The following AKAP19 variants were observed in gnomAD, a reference collection of about 807,000 sequenced individuals.
The protein encoded by AKAP19 is small A-kinase anchoring protein.
the AKAP19 span, among the ~76,000 whole-genome samples, chr2:189,954,800 T>A: frequency 1.3e-5 from 2 of 152,220 alleles, no homozygotes; most frequent in African/African-American, 2.4e-5. Context: ...AAATGATCTC[T>A]GCATCCTTGC....
At chr2:190,079,053 GCT>G in the AKAP19 span, among the ~76,000 whole-genome samples, 1 of 151,960 alleles carries the variant, frequency 6.6e-6, no homozygotes. Context: ...ATTTCATCCA[GCT>G]CTCTGACTTT....
chr2:189,954,967 C>G, the AKAP19 span, among the ~76,000 whole-genome samples: 6 of 152,208 alleles, frequency 3.9e-5, no homozygotes, highest in African/African-American at 1.4e-4. Context: ...TATTTATGGA[C>G]TTAGGGGTAC....
the AKAP19 span, among the ~76,000 whole-genome samples, chr2:190,064,797 C>G: frequency 6.6e-6 from 1 of 152,254 alleles, no homozygotes; most frequent in South Asian, 2.1e-4. Flanking sequence ...GTAAAATTTT[C>G]TAAGGCAGCC....
At chr2:190,068,238 A>G in the AKAP19 span, among the ~76,000 whole-genome samples, 4 of 152,128 alleles carry the variant, frequency 2.6e-5, no homozygotes, top group Non-Finnish European at 5.9e-5. Context: ...CAAATAGACT[A>G]TGAGCTATTT....
At chr2:190,183,449 AC>A in the AKAP19 span, among the ~76,000 whole-genome samples, 37 of 152,268 alleles carry the variant, frequency 2.4e-4, 1 homozygote, top group East Asian at 6.0e-3. Context: ...AAAGTAAATA[AC>A]ATTAGTTTAA....
chr2:190,032,209 A>G, the AKAP19 span, among the ~76,000 whole-genome samples: 2 of 152,214 alleles, frequency 1.3e-5, no homozygotes, highest in Non-Finnish European at 2.9e-5. Context: ...GTAAATTTAC[A>G]GGAATTTCAG....
chr2:189,979,409 A>T, the AKAP19 span, among the ~76,000 whole-genome samples: 3 of 152,200 alleles, frequency 2.0e-5, no homozygotes, highest in Non-Finnish European at 2.9e-5. Context: ...CCTACCTCTC[A>T]TCATATACAA....
chr2:190,144,203 A>G, the AKAP19 span, among the ~76,000 whole-genome samples: 2 of 150,774 alleles, frequency 1.3e-5, no homozygotes, highest in Non-Finnish European at 3.0e-5. Context: ...AATATTAATA[A>G]AATTATAACT....
At chr2:189,894,688 A>G in the AKAP19 span, among the ~76,000 whole-genome samples, 1 of 151,034 alleles carries the variant, frequency 6.6e-6, no homozygotes, top group African/African-American at 2.4e-5. Context: ...ATTATTATAT[A>G]GTATTAAATG....
chr2:190,129,468 GTTCT>G, the AKAP19 span, among the ~76,000 whole-genome samples: 1 of 152,098 alleles, frequency 6.6e-6, no homozygotes, highest in Non-Finnish European at 1.5e-5. Context: ...ATTATGTTAT[GTTCT>G]TTAATAGAGC....
the AKAP19 span, among the ~76,000 whole-genome samples, chr2:189,929,820 T>C: frequency 3.3e-5 from 5 of 152,328 alleles, no homozygotes; most frequent in East Asian, 9.6e-4. Context: ...GCCAGTGTTA[T>C]AAAATGCAGC....
chr2:189,925,441 T>C, the AKAP19 span, among the ~76,000 whole-genome samples: 12 of 152,230 alleles, frequency 7.9e-5, no homozygotes, highest in Non-Finnish European at 1.8e-4. Flanking sequence ...TTTTGTCTTA[T>C]ACAAGTGATA....
chr2:190,116,086 C>T, the AKAP19 span, among the ~76,000 whole-genome samples: 13 of 152,272 alleles, frequency 8.5e-5, no homozygotes, highest in African/African-American at 2.4e-4. Context: ...ATTCTCACTC[C>T]GGCCACAGCT....
chr2:189,988,315 G>A, the AKAP19 span, among the ~76,000 whole-genome samples: 1 of 152,156 alleles, frequency 6.6e-6, no homozygotes, highest in Non-Finnish European at 1.5e-5. Context: ...GGCATACAAA[G>A]GAAGGGGAAG....
the AKAP19 span, among the ~76,000 whole-genome samples, chr2:190,198,395 C>CT: frequency 6.6e-6 from 1 of 152,102 alleles, no homozygotes; most frequent in East Asian, 1.9e-4. Flanking sequence ...AATCCAAGCA[C>CT]TTTGGGAGGC....
the AKAP19 span, among the ~76,000 whole-genome samples, chr2:190,042,113 T>A: frequency 6.6e-6 from 1 of 152,162 alleles, no homozygotes; most frequent in South Asian, 2.1e-4. Context: ...TCTTTGTACA[T>A]CTGGTAGAAT....
the AKAP19 span, among the ~76,000 whole-genome samples, chr2:190,174,083 C>T: frequency 6.6e-6 from 1 of 152,142 alleles, no homozygotes; most frequent in Admixed American, 6.5e-5. Context: ...TTTAAAATAG[C>T]CCAGTCAGAA....
chr2:190,076,347 A>G, the AKAP19 span, among the ~76,000 whole-genome samples: 2 of 152,160 alleles, frequency 1.3e-5, no homozygotes, highest in African/African-American at 4.8e-5. Flanking sequence ...GCCTTCAAAC[A>G]TTGCCAAAAG....
the AKAP19 span, among the ~76,000 whole-genome samples, chr2:190,005,099 G>A: frequency 3.9e-5 from 6 of 152,118 alleles, no homozygotes; most frequent in Non-Finnish European, 7.3e-5. Context: ...CTGACTTCAG[G>A]AGTGAAGCTG....
Sources: gnomAD v4.1 joint callset for allele counts (sites outside exome capture counted in the v4.1 genomes callset) on GRCh38, gnomAD v4.1.1 for gene constraint, MANE v1.5 for transcripts, NCBI Gene and HGNC (gene_info 2026-07-23, HGNC 2026-07-21) for gene names.